Variants in DHRS12 observed in about 807,000 individuals in gnomAD.
The protein encoded by DHRS12 is dehydrogenase/reductase 12, also known as dehydrogenase/reductase SDR family member 12.
DHRS12 carries 29 observed loss-of-function variants against 32.1 expected under a neutral mutation model. The ratio of observed to expected loss-of-function variants is 0.90; its 90% CI spans 0.67 to 1.23. DHRS12 has a LOEUF of 1.23. DHRS12 is among the 50% of genes most tolerant of loss of function. The pLI, the probability that DHRS12 is intolerant of heterozygous loss-of-function variation, is 0.00. For synonymous variants in DHRS12, 150 were observed against 135.9 expected (o/e 1.10, Z -0.72); for missense variants, 330 against 337.2 (o/e 0.98, Z 0.17).
chr13:51,759,556 C>CTTG, the DHRS12 span, among the ~76,000 whole-genome samples: 2 of 152,098 alleles, frequency 1.3e-5, no homozygotes, highest in Non-Finnish European at 1.5e-5. Context: ...CTGTCATTGT[C>CTTG]TTGTTTTTGA....
intron 8 of DHRS12, 156 bp from the exon 9 acceptor site, chr13:51,768,452 A>C: frequency 6.9e-7 from 1 of 1,445,342 alleles, no homozygotes; most frequent in African/African-American, 1.4e-5. Context: ...TCCCACAGGG[A>C]TCAGGCAGCA....
downstream of DHRS12, chr13:51,765,973 T>C (rs898342686): frequency 6.6e-6 from 1 of 152,152 alleles, no homozygotes; most frequent in Non-Finnish European, 1.5e-5. Context: ...TGATTCTTTT[T>C]TCCCTTGGTT....
At chr13:51,794,358 G>A in intron 2 of DHRS12, among the ~76,000 whole-genome samples, 1 of 152,224 alleles carries the variant, frequency 6.6e-6, no homozygotes, top group East Asian at 1.9e-4. Context: ...CCCACAATGA[G>A]CACGGTAAAC....
At chr13:51,788,139 T>C (rs1243144194) in intron 4 of DHRS12, among the ~76,000 whole-genome samples, 5 of 151,512 alleles carry the variant, frequency 3.3e-5, no homozygotes, top group African/African-American at 1.2e-4. Context: ...AAATCCTTAA[T>C]AATTTTTTAA....
At chr13:51,790,534 T>G (rs1433508271) in intron 3 of DHRS12, among the ~76,000 whole-genome samples, 1 of 152,176 alleles carries the variant, frequency 6.6e-6, no homozygotes, top group Non-Finnish European at 1.5e-5. Context: ...GCATAGATAA[T>G]TTTTTTCAGG....
chr13:51,756,642 G>C, the DHRS12 span: 3 of 985,260 alleles, frequency 3.0e-6, no homozygotes, highest in Admixed American at 1.2e-4. Flanking sequence ...CCTGTGAGAT[G>C]AGAGAAGAGA....
chr13:51,757,287 G>C, the DHRS12 span, among the ~76,000 whole-genome samples: 1 of 152,118 alleles, frequency 6.6e-6, no homozygotes, highest in Non-Finnish European at 1.5e-5. Context: ...TTGAATTAGA[G>C]AGTGCAAGAG....
chr13:51,779,476 G>C (rs1954603383), intron 4 of DHRS12, among the ~76,000 whole-genome samples: 1 of 152,236 alleles, frequency 6.6e-6, no homozygotes, highest in African/African-American at 2.4e-5. Context: ...CCTGGTCCAA[G>C]CTGTCCCACC....
At chr13:51,783,833 T>C (rs373174221) in intron 4 of DHRS12, among the ~76,000 whole-genome samples, 23 of 152,352 alleles carry the variant, frequency 1.5e-4, no homozygotes, top group African/African-American at 5.3e-4. Context: ...TGACATTTTG[T>C]GCCTTTTTAT....
downstream of DHRS12, chr13:51,766,146 C>A (rs1226691644): frequency 6.6e-6 from 1 of 152,192 alleles, no homozygotes; most frequent in African/African-American, 2.4e-5. Flanking sequence ...TCACTTGTAA[C>A]CATTGTACTC....
intron 1 of DHRS12, 55 bp downstream of exon 1, chr13:51,803,999 G>C: frequency 7.1e-7 from 1 of 1,404,358 alleles, no homozygotes; most frequent in Non-Finnish European, 9.3e-7. Flanking sequence ...GCTCGCCCGC[G>C]CCGAGGCGGG....
At chr13:51,799,130 C>G (rs1198831598) in intron 2 of DHRS12, among the ~76,000 whole-genome samples, 2 of 152,182 alleles carry the variant, frequency 1.3e-5, no homozygotes, top group Non-Finnish European at 2.9e-5. Context: ...GACTTTGAGG[C>G]TCCCCCTCCC....
In DHRS12 at chr13:51,769,294, C is replaced by G; in HGVS notation, c.560-1G>C. On this transcript the variant is annotated splice_acceptor_variant, in intron 7 of 8. Transcript: ENST00000444610. LOFTEE classifies it high-confidence loss of function. ...AACCCCGGCATCGCCTGCCTCACAC[C>G]TGGGAGAAGGAAGGGTCAGGCGGAT... is the stretch of plus-strand genomic sequence containing the variant. 6.4e-7 allele frequency: 1 copy of G among 1,563,852 alleles called. No individual in the cohort carries two copies. Among genetic ancestry groups the G allele is most frequent in the Non-Finnish European group, 8.7e-7 (1 of 1,152,932 alleles).
At chr13:51,758,342 CATATAAAT>C in the DHRS12 span, 1 of 1,442,692 alleles carries the variant, frequency 6.9e-7, no homozygotes. Context: ...TCTTTGGCCT[CATATAAAT>C]ATACAGGAGC....
At chr13:51,772,985 G>A (rs949326476) in intron 6 of DHRS12, 50 of 985,500 alleles carry the variant, frequency 5.1e-5, no homozygotes, top group East Asian at 1.1e-4. Context: ...ACACAGCAGC[G>A]ACAAGGAAGG....
At chr13:51,773,840 T>A in intron 6 of DHRS12, 90 bp downstream of exon 6, 1 of 1,107,470 alleles carries the variant, frequency 9.0e-7, no homozygotes, top group Non-Finnish European at 1.4e-6. Flanking sequence ...TAAGGTCCGA[T>A]TAATGTGCAT....
chr13:51,785,055 C>T (rs1441011612), intron 4 of DHRS12, among the ~76,000 whole-genome samples: 1 of 152,134 alleles, frequency 6.6e-6, no homozygotes, highest in Non-Finnish European at 1.5e-5. Context: ...TAGTGAAACC[C>T]CATCTCTACT....
chr13:51,767,879 C>T, downstream of DHRS12: 5 of 641,808 alleles, frequency 7.8e-6, no homozygotes, highest in Non-Finnish European at 1.0e-5. Flanking sequence ...CCTGCTGCCC[C>T]CACCCCTGCG....
chr13:51,793,977 A>G (rs1254267371), intron 2 of DHRS12, among the ~76,000 whole-genome samples: 2 of 152,258 alleles, frequency 1.3e-5, no homozygotes, highest in Non-Finnish European at 2.9e-5. Flanking sequence ...TCACTGTCCT[A>G]GACAAATCAG....
Sources: gnomAD v4.1 joint callset for allele counts (sites outside exome capture counted in the v4.1 genomes callset) on GRCh38, gnomAD v4.1.1 for gene constraint, MANE v1.5 for transcripts, NCBI Gene and HGNC (gene_info 2026-07-23, HGNC 2026-07-21) for gene names.